The following XRN2 variants were observed in gnomAD, a reference collection of about 807,000 sequenced individuals.
XRN2 encodes the protein DHM1-like protein.
A neutral mutation model predicts 138.5 loss-of-function variants in XRN2; 44 were observed. The observed-to-expected ratio is 0.32, with a 90% CI of 0.25 to 0.41. The LOEUF (loss-of-function observed/expected upper bound fraction) is 0.41, where lower values mean the gene tolerates loss of function less well. Ranked by LOEUF, XRN2 falls within the 10% of genes least tolerant of loss-of-function variation. The pLI is 1.00. For synonymous variants in XRN2, 354 were observed against 369.4 expected, an observed-to-expected ratio of 0.96 and a Z score of 0.48; for missense variants, 937 against 1,169.3, an observed-to-expected ratio of 0.80 and a Z score of 2.90.
Position 21,333,727 on chromosome 20 carries a change from G to A in XRN2, c.957G>A (p.Met319Ile). ...AGTATTTGGAAAGAGAACTCACAAT[G>A]GCCAGCCTACCATTCACATTTGATG... ...LREYLERELT[M>I]ASLPFTFDVE... The change falls in exon 11 of 30, where the codon ATG becomes ATA. Residue 319 changes from methionine (M) to isoleucine (I), a missense_variant. Physicochemically the swap from Met to Ile is conservative, Grantham distance 10. Around this residue, in one of 6 missense-constraint regions of XRN2, gnomAD observed 471 missense variants for 581.2 expected, o/e 0.81. Coordinates refer to ENST00000377191, the MANE Select transcript of XRN2 (RefSeq NM_012255.5). 1 of 1,614,024 alleles carries A rather than the reference G, an allele frequency of 6.2e-7. No individual in the cohort carries two copies. The highest frequency in any genetic ancestry group is 1.1e-5 in the South Asian group (1 of 91,072).
intron 4 of XRN2, among the ~76,000 whole-genome samples, chr20:21,329,240 T>C (rs2038169507): frequency 6.6e-6 from 1 of 152,198 alleles, no homozygotes; most frequent in Non-Finnish European, 1.5e-5. Context: ...GTCTTCATTT[T>C]TGCAGTTCCC....
chr20:21,363,889 G>T (rs1339476989), intron 24 of XRN2, among the ~76,000 whole-genome samples: 1 of 152,190 alleles, frequency 6.6e-6, no homozygotes, highest in Non-Finnish European at 1.5e-5. Flanking sequence ...CTAGTCTGTT[G>T]TATATATGTT....
chr20:21,366,109 ATATAT>A (rs1286429240), intron 26 of XRN2, among the ~76,000 whole-genome samples: 2,608 of 113,832 alleles, frequency 0.023, 68 homozygotes, highest in East Asian at 0.062. Flanking sequence ...ATATATAAAT[ATATAT>A]TATATTTATA....
intron 27 of XRN2, among the ~76,000 whole-genome samples, chr20:21,372,956 G>A (rs2038779428): frequency 6.6e-6 from 1 of 151,840 alleles, no homozygotes; most frequent in African/African-American, 2.4e-5. Flanking sequence ...CTTTTTTTCA[G>A]TCTTTGTTTC....
At chr20:21,352,358 C>T (rs2038520291) in intron 20 of XRN2, among the ~76,000 whole-genome samples, 1 of 151,732 alleles carries the variant, frequency 6.6e-6, no homozygotes, top group Non-Finnish European at 1.5e-5. Context: ...GACAGAGTCT[C>T]ACTCTGTTGC....
At chr20:21,351,032 TAAG>T (rs1054763824) in intron 20 of XRN2, among the ~76,000 whole-genome samples, 11 of 152,298 alleles carry the variant, frequency 7.2e-5, no homozygotes, top group African/African-American at 1.4e-4. Context: ...CTAAGTAAAT[TAAG>T]AAGCAAATAT....
At chr20:21,317,354 G>A (rs2037974050) in intron 1 of XRN2, among the ~76,000 whole-genome samples, 1 of 151,792 alleles carries the variant, frequency 6.6e-6, no homozygotes, top group South Asian at 2.1e-4. Flanking sequence ...TTTTCTATAT[G>A]AAGATGATCG....
In XRN2 at chr20:21,340,248, T is replaced by C. The variant is rs113982207; in HGVS notation, c.1279-473T>C. Among the ~76,000 whole-genome samples the C allele has an allele frequency of 1.3e-3, 197 of 152,126 alleles. 2 individuals carry two copies. The highest frequency in any genetic ancestry group is 4.5e-3 in the African/African-American group (187 of 41,476). On this transcript the variant is annotated intron_variant, in intron 14 of 29. Coordinates refer to ENST00000377191, the MANE Select transcript of XRN2 (RefSeq NM_012255.5). ...AAGCAGAGGTTGCAGTGAGTGGAGA[T>C]TGCACCACTGCACCCTAGCCTGCAC...
chr20:21,357,606 T>C, intron 23 of XRN2, 130 bp from the exon 24 acceptor site: 1 of 621,780 alleles, frequency 1.6e-6, no homozygotes, highest in Non-Finnish European at 2.6e-6. Flanking sequence ...AAATGGTTTT[T>C]ATTGTTTTTG....
At chr20:21,353,254 ATATATATATATC>A (rs1479416476) in intron 20 of XRN2, among the ~76,000 whole-genome samples, 10 of 15,936 alleles carry the variant, frequency 6.3e-4, no homozygotes, top group African/African-American at 1.4e-3. Context: ...ATATATATAT[ATATATATATATC>A]TCTTAAATGT....
intron 29 of XRN2, 40 bp from the exon 30 acceptor site, chr20:21,389,233 T>G (rs764270081): frequency 6.4e-7 from 1 of 1,567,444 alleles, no homozygotes; most frequent in Non-Finnish European, 8.7e-7. Flanking sequence ...TGCAGGAGTA[T>G]CGGTCCAGAA....
chr20:21,330,777 A>G, intron 6 of XRN2, 72 bp downstream of exon 6: 2 of 1,382,830 alleles, frequency 1.4e-6, no homozygotes, highest in Non-Finnish European at 2.0e-6. Flanking sequence ...TATGACTGAC[A>G]TTATTTATCC....
intron 26 of XRN2, 48 bp from the exon 27 acceptor site, chr20:21,368,415 G>C (rs1333640165): frequency 6.2e-7 from 1 of 1,603,594 alleles, no homozygotes; most frequent in Non-Finnish European, 8.5e-7. Context: ...TGTTATGATG[G>C]GTATATCACT....
intron 28 of XRN2, among the ~76,000 whole-genome samples, chr20:21,385,069 C>A (rs544635773): frequency 7.4e-4 from 112 of 152,158 alleles, no homozygotes; most frequent in African/African-American, 2.5e-3. Context: ...TATAAGTAAT[C>A]AATTCAAACA....
chr20:21,381,538 T>C (rs1278752391), intron 27 of XRN2, among the ~76,000 whole-genome samples: 3 of 152,212 alleles, frequency 2.0e-5, no homozygotes, highest in Non-Finnish European at 2.9e-5. Flanking sequence ...TTAATGTTAA[T>C]GAAAGCAATT....
At chr20:21,322,500 C>T (rs1370617099) in intron 1 of XRN2, among the ~76,000 whole-genome samples, 2 of 152,126 alleles carry the variant, frequency 1.3e-5, no homozygotes, top group African/African-American at 4.8e-5. Context: ...GTGGGATACT[C>T]CTGTTGCCCT....
In XRN2 at chr20:21,314,678, G is replaced by A. The variant is rs1291141760; in HGVS notation, c.75+11205G>A. Among the ~76,000 whole-genome samples, 3 of 151,984 alleles carry A rather than the reference G, an allele frequency of 2.0e-5. No homozygotes were observed. In the South Asian group the frequency reaches 6.3e-4, roughly 32 times the overall value. On this transcript the variant is annotated intron_variant, in intron 1 of 29. Coordinates refer to ENST00000377191, the MANE Select transcript of XRN2 (RefSeq NM_012255.5). ...ACTTTTTTTTTTTTTAAGAGATGGG[G>A]TTTCTCTGTGTTGCCTACTGGTCTT...
chr20:21,317,564 G>T (rs560807110), intron 1 of XRN2, among the ~76,000 whole-genome samples: 2 of 152,232 alleles, frequency 1.3e-5, no homozygotes, highest in African/African-American at 4.8e-5. Flanking sequence ...TGTGGATGCC[G>T]AAATCAACGG....
At position 21,330,507 on chromosome 20, in the gene XRN2, A is replaced by G. The variant is rs1312839724; in HGVS notation, c.454A>G (p.Lys152Glu). 6.2e-7 allele frequency: 1 copy of G among 1,613,776 alleles called. No individual in the cohort carries two copies. The highest frequency in any genetic ancestry group is 8.5e-7 in the Non-Finnish European group (1 of 1,179,966). Residue 152 changes from lysine (K) to glutamate (E), a missense_variant, in exon 5 of 30, where the codon AAA (lysine) becomes GAA (glutamate). Around this residue, in one of 6 missense-constraint regions of XRN2, gnomAD observed 471 missense variants for 581.2 expected, o/e 0.81. Transcript: ENST00000377191. The stretch of plus-strand genomic sequence containing the variant: ...TGGCTTTCTTCCTCCAGAAGAAATA[A>G]AAGAAAGATTTGACAGCAACTGTAT... ...KGGFLPPEEI[K>E]ERFDSNCITP...
Sources: gnomAD v4.1 joint callset for allele counts (sites outside exome capture counted in the v4.1 genomes callset) on GRCh38, gnomAD v4.1.1 for gene constraint, gnomAD v4.1.1 regional missense constraint, MANE v1.5 for transcripts, NCBI Gene and HGNC (gene_info 2026-07-23, HGNC 2026-07-21) for gene names.